The following GARRE1 variants were observed in gnomAD, a reference collection of about 807,000 sequenced individuals.
The protein encoded by GARRE1 is granule associated Rac and RHOG effector protein 1.
A neutral mutation model predicts 103.2 loss-of-function variants in GARRE1; 49 were observed. The ratio of observed to expected loss-of-function variants is 0.47; its 90% CI spans 0.38 to 0.60. The LOEUF (loss-of-function observed/expected upper bound fraction) is 0.60. Ranked by LOEUF, GARRE1 falls within the 20% of genes least tolerant of loss-of-function variation. The pLI is 0.00. For synonymous variants in GARRE1, 505 were observed against 532.8 expected (o/e 0.95, Z 0.72); for missense variants, 1,199 against 1,370.5 (o/e 0.87, Z 1.98).
At position 34,338,505 on chromosome 19, in the gene GARRE1, T is replaced by C. The variant is rs566354504; in HGVS notation, c.1362-1362T>C. Among the ~76,000 whole-genome samples the C allele has an allele frequency of 9.1e-4, 138 of 152,212 alleles. No individual in the cohort carries two copies. In the Middle Eastern group the frequency reaches 0.01, roughly 11 times the overall value. On this transcript the variant is annotated intron_variant, in intron 8 of 13. Coordinates refer to ENST00000299505, the MANE Select transcript of GARRE1 (RefSeq NM_014686.5). The stretch of plus-strand genomic sequence containing the variant: ...GTGAGCTTTGATCACACCACTGCAC[T>C]CCAGCCTTGAGGATAGAGTAGGACT...
intron 2 of GARRE1, among the ~76,000 whole-genome samples, chr19:34,317,147 T>C (rs1220058423): frequency 1.3e-5 from 2 of 152,230 alleles, no homozygotes; most frequent in Admixed American, 6.5e-5. Flanking sequence ...GTCATTTCCT[T>C]GAGGAGCCTT....
intron 10 of GARRE1, among the ~76,000 whole-genome samples, chr19:34,344,108 C>T (rs1313467760): frequency 6.6e-6 from 1 of 151,132 alleles, no homozygotes; most frequent in East Asian, 1.9e-4. Flanking sequence ...TAGAATTGAA[C>T]CCCCCCCACA....
In GARRE1 at chr19:34,330,081, A is replaced by G; in HGVS notation, c.1105-108A>G. On this transcript the variant is annotated intron_variant, in intron 6 of 13. Coordinates refer to ENST00000299505, the MANE Select transcript of GARRE1 (RefSeq NM_014686.5). ...GCTTGGACGATAGAAAAATACATAA[A>G]TAAAATGCTCTTCTCTTGAGGATGA... 4.0e-6 allele frequency: 4 copies of G among 1,007,344 alleles called. No homozygotes were observed. The South Asian group carries it at 6.4e-5, about 16-fold the overall frequency. 62.4% of individuals were successfully genotyped at this position (1,007,344 alleles called of 1,614,324 possible).
At chr19:34,295,433 A>G (rs1245758333) in intron 1 of GARRE1, among the ~76,000 whole-genome samples, 1 of 151,944 alleles carries the variant, frequency 6.6e-6, no homozygotes, top group Admixed American at 6.6e-5. Flanking sequence ...TTGGTCAGGG[A>G]AAGTCCTTAT....
In GARRE1 at chr19:34,282,495, C is replaced by A. The variant is rs540523386; in HGVS notation, c.-795-17184C>A. Among the ~76,000 whole-genome samples, 133 of 152,290 alleles carry A rather than the reference C, an allele frequency of 8.7e-4. 3 individuals are homozygous for A. The highest frequency in any genetic ancestry group is 8.6e-3 in the Admixed American group (132 of 15,288). On this transcript the variant is annotated intron_variant, in intron 1 of 13. Coordinates refer to ENST00000299505, the MANE Select transcript of GARRE1 (RefSeq NM_014686.5). Reference sequence around the variant, plus strand: ...TCTTTCCAACACTGTCTGAGGAATACCAGTCAGAATTTCTTTTCAGGTGTT... The same window carrying A: ...TCTTTCCAACACTGTCTGAGGAATAACAGTCAGAATTTCTTTTCAGGTGTT...
chr19:34,273,722 C>G (rs1346172694), intron 1 of GARRE1, among the ~76,000 whole-genome samples: 2 of 152,070 alleles, frequency 1.3e-5, no homozygotes, highest in African/African-American at 4.8e-5. Context: ...AGAGGAACCC[C>G]TCGCTCAGTC....
intron 2 of GARRE1, among the ~76,000 whole-genome samples, chr19:34,304,254 C>A (rs2073995790): frequency 6.6e-6 from 1 of 152,010 alleles, no homozygotes; most frequent in African/African-American, 2.4e-5. Context: ...ACACACCCAG[C>A]AAATTTTTGT....
chr19:34,301,639 G>C (rs1480773071), intron 2 of GARRE1, among the ~76,000 whole-genome samples: 1 of 151,024 alleles, frequency 6.6e-6, no homozygotes, highest in Non-Finnish European at 1.5e-5. Flanking sequence ...AAAGTTATTA[G>C]TGAGTACTGA....
intron 1 of GARRE1, among the ~76,000 whole-genome samples, chr19:34,264,689 C>T (rs933167517): frequency 6.6e-5 from 10 of 152,214 alleles, no homozygotes; most frequent in East Asian, 5.8e-4. Context: ...TGAGCCACCA[C>T]GCCCGGCTGG....
intron 1 of GARRE1, among the ~76,000 whole-genome samples, chr19:34,267,780 G>GTT (rs942698745): frequency 3.7e-5 from 5 of 133,434 alleles, no homozygotes; most frequent in African/African-American, 5.5e-5. Flanking sequence ...TGGTTTTTTT[G>GTT]TTTTTTTTTT....
intron 10 of GARRE1, among the ~76,000 whole-genome samples, chr19:34,346,094 C>A (rs1465808490): frequency 2.6e-5 from 4 of 152,114 alleles, no homozygotes; most frequent in African/African-American, 9.7e-5. Flanking sequence ...AAAATCAGTG[C>A]GGGATGGGGA....
chr19:34,339,271 G>T (rs960911658), intron 8 of GARRE1, among the ~76,000 whole-genome samples: 2 of 152,178 alleles, frequency 1.3e-5, no homozygotes, highest in East Asian at 3.8e-4. Flanking sequence ...TAAGTTGGGG[G>T]TTCCCAAAAC....
chr19:34,344,368 A>G (rs1022002353), intron 10 of GARRE1, among the ~76,000 whole-genome samples: 1 of 152,068 alleles, frequency 6.6e-6, no homozygotes, highest in African/African-American at 2.4e-5. Flanking sequence ...AGGCGGGCGG[A>G]TCACGAGGTC....
intron 2 of GARRE1, among the ~76,000 whole-genome samples, chr19:34,318,929 C>T (rs1044048195): frequency 6.6e-6 from 1 of 151,964 alleles, no homozygotes; most frequent in Non-Finnish European, 1.5e-5. Flanking sequence ...GTCAGAGAAT[C>T]GCTTAAACCC....
At chr19:34,321,277 C>T (rs1361243476) in intron 3 of GARRE1, among the ~76,000 whole-genome samples, 2 of 117,526 alleles carry the variant, frequency 1.7e-5, no homozygotes, top group African/African-American at 6.3e-5. Context: ...AGGGTTTCAT[C>T]GTGTTAGCCA....
intron 1 of GARRE1, among the ~76,000 whole-genome samples, chr19:34,268,237 A>G (rs1465814618): frequency 6.6e-6 from 1 of 152,174 alleles, no homozygotes; most frequent in African/African-American, 2.4e-5. Context: ...ATTTTAGTTG[A>G]TAGATGAAAC....
At chr19:34,291,695 T>C (rs2073918725) in intron 1 of GARRE1, among the ~76,000 whole-genome samples, 1 of 152,236 alleles carries the variant, frequency 6.6e-6, no homozygotes, top group Non-Finnish European at 1.5e-5. Flanking sequence ...AATCATCTCT[T>C]ACAGGTCTCA....
chr19:34,294,584 T>C (rs999081289), intron 1 of GARRE1, among the ~76,000 whole-genome samples: 1 of 152,122 alleles, frequency 6.6e-6, no homozygotes, highest in Non-Finnish European at 1.5e-5. Context: ...TCTTGTCTGT[T>C]AAGTCCAATA....
intron 2 of GARRE1, among the ~76,000 whole-genome samples, chr19:34,313,540 C>A (rs2074046417): frequency 6.6e-6 from 1 of 152,170 alleles, no homozygotes; most frequent in Non-Finnish European, 1.5e-5. Flanking sequence ...GACAGAGCGG[C>A]CTCACCCAAG....
Sources: allele counts gnomAD v4.1 joint callset (sites outside exome capture counted in the v4.1 genomes callset), GRCh38; gene constraint gnomAD v4.1.1; transcripts MANE v1.5; gene names NCBI Gene and HGNC (gene_info 2026-07-23, HGNC 2026-07-21).